CUEDC1: variants seen among roughly 807,000 people sequenced by gnomAD.
The protein encoded by CUEDC1 is CUE domain containing 1.
CUEDC1 carries 30 observed loss-of-function variants against 43.7 expected under a neutral mutation model. That is an observed-to-expected ratio of 0.69 (90% CI 0.51 to 0.93). The LOEUF is 0.93. Ranked by LOEUF, CUEDC1 falls within the 40% of genes least tolerant of loss-of-function variation. The probability of loss-of-function intolerance (pLI) is 0.00; values close to 1 mark genes in which losing one functional copy is unlikely to be tolerated. For synonymous variants in CUEDC1, 223 were observed against 223.6 expected, an observed-to-expected ratio of 1.00 and a Z score of 0.02; for missense variants, 486 against 549.0, an observed-to-expected ratio of 0.89 and a Z score of 1.15.
At chr17:57,868,016 G>A in intron 8 of CUEDC1, 134 bp downstream of exon 8, 2 of 713,482 alleles carry the variant, frequency 2.8e-6, no homozygotes, top group East Asian at 2.7e-5. Flanking sequence ...GGAGGAGAGG[G>A]GAGGAGGAAG....
At chr17:57,948,947 T>C (rs776239874) in intron 1 of CUEDC1, among the ~76,000 whole-genome samples, 9 of 152,132 alleles carry the variant, frequency 5.9e-5, no homozygotes, top group Admixed American at 2.6e-4. Flanking sequence ...TTCTCAGCTG[T>C]TAAAAACCAC....
chr17:57,947,163 A>C (rs2143234335), intron 1 of CUEDC1, among the ~76,000 whole-genome samples: 1 of 152,040 alleles, frequency 6.6e-6, no homozygotes, highest in East Asian at 1.9e-4. Flanking sequence ...AAAAAAAAAA[A>C]AGCTTTGCAG....
intron 1 of CUEDC1, among the ~76,000 whole-genome samples, chr17:57,894,900 A>T (rs548614005): frequency 6.6e-5 from 10 of 152,144 alleles, no homozygotes; most frequent in Non-Finnish European, 1.0e-4. Context: ...CCCAAATATC[A>T]GGTGTGGCTG....
chr17:57,938,655 ATTAT>A (rs1010011832), intron 1 of CUEDC1, among the ~76,000 whole-genome samples: 67 of 151,668 alleles, frequency 4.4e-4, no homozygotes, highest in African/African-American at 1.1e-3. Context: ...TTATTTATTT[ATTAT>A]TTATTTATTT....
intron 1 of CUEDC1, among the ~76,000 whole-genome samples, chr17:57,910,591 G>C (rs889633805): frequency 4.0e-5 from 6 of 150,736 alleles, no homozygotes; most frequent in African/African-American, 1.5e-4. Flanking sequence ...GTGAGATCCT[G>C]TCTCTTAAAA....
chr17:57,952,874 C>T (rs762706124), intron 1 of CUEDC1, among the ~76,000 whole-genome samples: 2 of 152,134 alleles, frequency 1.3e-5, no homozygotes, highest in Non-Finnish European at 2.9e-5. Context: ...TCCTAAAGCT[C>T]TTCCAGATCC....
At chr17:57,866,413 G>A (rs1047819401) in intron 10 of CUEDC1, 61 bp downstream of exon 10, 19 of 1,503,166 alleles carry the variant, frequency 1.3e-5, no homozygotes, top group African/African-American at 2.7e-5. Context: ...CATGTGGGGT[G>A]CATAGTGTGG....
At chr17:57,917,882 T>C (rs2074659241) in intron 1 of CUEDC1, among the ~76,000 whole-genome samples, 1 of 152,216 alleles carries the variant, frequency 6.6e-6, no homozygotes, top group Non-Finnish European at 1.5e-5. Flanking sequence ...CTTTTTTGCC[T>C]TGTGATGCCT....
chr17:57,942,885 A>G (rs1239530050), intron 1 of CUEDC1, among the ~76,000 whole-genome samples: 2 of 151,728 alleles, frequency 1.3e-5, no homozygotes, highest in African/African-American at 2.4e-5. Flanking sequence ...AAAATTAGCC[A>G]GGCGTGGTGG....
chr17:57,912,086 G>T (rs1363874639), intron 1 of CUEDC1, among the ~76,000 whole-genome samples: 1 of 152,194 alleles, frequency 6.6e-6, no homozygotes, highest in Admixed American at 6.5e-5. Context: ...CCTACAGAAG[G>T]TGCTCTGTGA....
At chr17:57,929,065 TA>T (rs756696075) in intron 1 of CUEDC1, among the ~76,000 whole-genome samples, 1 of 152,132 alleles carries the variant, frequency 6.6e-6, no homozygotes, top group Non-Finnish European at 1.5e-5. Context: ...ACCGTCTGTC[TA>T]AAAACAAGGG....
chr17:57,927,561 A>G (rs2074760821), intron 1 of CUEDC1, among the ~76,000 whole-genome samples: 2 of 152,182 alleles, frequency 1.3e-5, no homozygotes, highest in Non-Finnish European at 2.9e-5. Context: ...ACAACAGCAC[A>G]TGGAAATTAC....
At chr17:57,932,761 C>G (rs2074820663) in intron 1 of CUEDC1, among the ~76,000 whole-genome samples, 2 of 151,740 alleles carry the variant, frequency 1.3e-5, no homozygotes, top group Admixed American at 1.3e-4. Flanking sequence ...ACTTGGGAGG[C>G]TGAGGCAGGA....
intron 1 of CUEDC1, among the ~76,000 whole-genome samples, chr17:57,918,091 C>A (rs561098169): frequency 6.6e-6 from 1 of 152,196 alleles, no homozygotes; most frequent in African/African-American, 2.4e-5. Flanking sequence ...GTGGGAGAAG[C>A]AGTCTCAGTC....
In CUEDC1 at chr17:57,863,118, T is replaced by A. The variant is rs976889048; in HGVS notation, c.*171A>T. On this transcript the variant is annotated 3_prime_UTR_variant, in exon 11 of 11. Transcript: ENST00000577830. ...AGCAACTCCGAAGTTCTAAGTCCCATGGAAAGTGGCAGTGGTTGGGCTGGA... is the reference window on the plus strand; with the variant it reads ...AGCAACTCCGAAGTTCTAAGTCCCAAGGAAAGTGGCAGTGGTTGGGCTGGA... 2 of 152,688 alleles carry A rather than the reference T, an allele frequency of 1.3e-5. No homozygotes were observed. The highest frequency in any genetic ancestry group is 4.8e-5 in the African/African-American group (2 of 41,444). The allele number at this position is 152,688 out of a possible 1,614,324, so 9.5% of individuals were successfully genotyped here.
chr17:57,863,893 C>T (rs1192824684), intron 10 of CUEDC1, among the ~76,000 whole-genome samples: 1 of 148,802 alleles, frequency 6.7e-6, no homozygotes, highest in Non-Finnish European at 1.5e-5. Context: ...CCCAGCTACT[C>T]GGGAGGCTGA....
intron 1 of CUEDC1, among the ~76,000 whole-genome samples, chr17:57,940,001 G>A (rs1217243241): frequency 6.6e-6 from 1 of 151,518 alleles, no homozygotes; most frequent in Non-Finnish European, 1.5e-5. Context: ...ATTCCCCTAT[G>A]GCTTCAAATA....
chr17:57,873,080 G>A (rs1321325522), intron 4 of CUEDC1, among the ~76,000 whole-genome samples: 1 of 152,082 alleles, frequency 6.6e-6, no homozygotes, highest in Non-Finnish European at 1.5e-5. Flanking sequence ...TTTCCCCCAC[G>A]CCACAGACCA....
intron 1 of CUEDC1, among the ~76,000 whole-genome samples, chr17:57,917,259 G>A (rs776227328): frequency 4.6e-5 from 7 of 152,176 alleles, no homozygotes; most frequent in African/African-American, 7.2e-5. Flanking sequence ...ATGCCTCCCC[G>A]GGTGAATGTT....
Sources: gnomAD v4.1 joint callset for allele counts (sites outside exome capture counted in the v4.1 genomes callset) on GRCh38, gnomAD v4.1.1 for gene constraint, MANE v1.5 for transcripts, NCBI Gene and HGNC (gene_info 2026-07-23, HGNC 2026-07-21) for gene names.